The following TSPAN5 variants were observed in gnomAD, a reference collection of about 807,000 sequenced individuals.
TSPAN5 encodes tetraspanin-5.
A neutral mutation model predicts 37.1 loss-of-function variants in TSPAN5; 10 were observed. The observed-to-expected ratio is 0.27, with a 90% CI of 0.17 to 0.46. TSPAN5 has a LOEUF of 0.46. TSPAN5 is among the 20% of genes least tolerant of loss of function. The pLI, the probability that TSPAN5 is intolerant of heterozygous loss-of-function variation, is 1.00. For missense variants in TSPAN5, 195 were observed against 326.6 expected (o/e 0.60, Z 3.11); for synonymous variants, 110 against 118.9 (o/e 0.93, Z 0.48).
At chr4:98,526,994 T>A (rs1343510849) in intron 1 of TSPAN5, among the ~76,000 whole-genome samples, 1 of 152,222 alleles carries the variant, frequency 6.6e-6, no homozygotes, top group Non-Finnish European at 1.5e-5. Context: ...CAAGGCAGCA[T>A]CTAAAACATA....
intron 1 of TSPAN5, among the ~76,000 whole-genome samples, chr4:98,603,675 C>T (rs1447502652): frequency 6.6e-6 from 1 of 152,160 alleles, no homozygotes; most frequent in African/African-American, 2.4e-5. Context: ...GTGGAACACA[C>T]ACACTCAAGT....
At chr4:98,598,439 A>T (rs890642158) in intron 1 of TSPAN5, among the ~76,000 whole-genome samples, 3 of 149,254 alleles carry the variant, frequency 2.0e-5, no homozygotes, top group African/African-American at 4.9e-5. Context: ...AGCTGTTCCT[A>T]TTCGGCCATC....
intron 1 of TSPAN5, among the ~76,000 whole-genome samples, chr4:98,555,699 T>C (rs927536285): frequency 7.9e-5 from 12 of 152,154 alleles, no homozygotes; most frequent in Admixed American, 2.0e-4. Context: ...AGGGTAAATA[T>C]AGAAATAAGT....
chr4:98,488,375 G>C (rs1753019256), intron 2 of TSPAN5, among the ~76,000 whole-genome samples: 1 of 152,044 alleles, frequency 6.6e-6, no homozygotes, highest in Admixed American at 6.6e-5. Context: ...CCTTTAGGGG[G>C]GTGTCAACTT....
chr4:98,544,326 C>T (rs1265945496), intron 1 of TSPAN5, among the ~76,000 whole-genome samples: 1 of 152,168 alleles, frequency 6.6e-6, no homozygotes, highest in East Asian at 1.9e-4. Context: ...TTCTCTTTAA[C>T]TCCCTGGCAG....
intron 2 of TSPAN5, among the ~76,000 whole-genome samples, chr4:98,506,255 C>T (rs1269475405): frequency 6.6e-6 from 1 of 152,136 alleles, no homozygotes; most frequent in Non-Finnish European, 1.5e-5. Flanking sequence ...TCACAATAGG[C>T]TTGAGGCAAA....
intron 1 of TSPAN5, among the ~76,000 whole-genome samples, chr4:98,629,734 C>T (rs1194704924): frequency 6.6e-6 from 1 of 152,066 alleles, no homozygotes; most frequent in East Asian, 1.9e-4. Flanking sequence ...TAAAGAAAAT[C>T]CCCAGGGCAG....
intron 1 of TSPAN5, among the ~76,000 whole-genome samples, chr4:98,609,987 A>G (rs923715081): frequency 4.6e-5 from 7 of 152,140 alleles, no homozygotes; most frequent in Non-Finnish European, 1.0e-4. Flanking sequence ...GGCTAATATA[A>G]TTCGCAGAGG....
intron 1 of TSPAN5, among the ~76,000 whole-genome samples, chr4:98,512,556 G>C (rs180715975): frequency 6.6e-6 from 1 of 152,328 alleles, no homozygotes; most frequent in Admixed American, 6.5e-5. Flanking sequence ...AGAAGAAAAT[G>C]GCCCCAGCAT....
chr4:98,509,435 T>C (rs1753553538), intron 1 of TSPAN5, among the ~76,000 whole-genome samples: 1 of 152,142 alleles, frequency 6.6e-6, no homozygotes, highest in Admixed American at 6.6e-5. Flanking sequence ...AATTAGCTGC[T>C]CCGAAAACAT....
intron 1 of TSPAN5, among the ~76,000 whole-genome samples, chr4:98,583,710 T>A (rs1200454308): frequency 6.6e-6 from 1 of 152,250 alleles, no homozygotes; most frequent in Admixed American, 6.5e-5. Flanking sequence ...ATGCTGCTGA[T>A]CTTCACAGCA....
intron 1 of TSPAN5, among the ~76,000 whole-genome samples, chr4:98,616,793 C>T (rs11933264): frequency 0.13 from 19,321 of 151,864 alleles, 1,701 homozygotes; most frequent in African/African-American, 0.24. Flanking sequence ...ATTAATGGGT[C>T]CTTCTCTCCA....
intron 1 of TSPAN5, among the ~76,000 whole-genome samples, chr4:98,527,416 C>A (rs935606386): frequency 1.5e-4 from 23 of 152,122 alleles, no homozygotes; most frequent in African/African-American, 5.6e-4. Flanking sequence ...AAAAATCACA[C>A]CCAAACCAAG....
chr4:98,626,075 A>G (rs1425244050), intron 1 of TSPAN5, among the ~76,000 whole-genome samples: 1 of 152,190 alleles, frequency 6.6e-6, no homozygotes, highest in Non-Finnish European at 1.5e-5. Context: ...AGGACCATCC[A>G]CATGAGAATC....
chr4:98,618,318 A>T (rs1227371170), intron 1 of TSPAN5, among the ~76,000 whole-genome samples: 1 of 152,204 alleles, frequency 6.6e-6, no homozygotes, highest in African/African-American at 2.4e-5. Context: ...TCACACTATT[A>T]ATGTACTAAT....
chr4:98,566,892 G>C (rs1266377584), intron 1 of TSPAN5, among the ~76,000 whole-genome samples: 1 of 152,194 alleles, frequency 6.6e-6, no homozygotes, highest in African/African-American at 2.4e-5. Flanking sequence ...CAACGAACAA[G>C]CCTCGGCCTC....
intron 1 of TSPAN5, among the ~76,000 whole-genome samples, chr4:98,538,436 G>A (rs1754286173): frequency 6.6e-6 from 1 of 152,168 alleles, no homozygotes; most frequent in South Asian, 2.1e-4. Context: ...CCACAGGATG[G>A]ACAGGGACAG....
intron 1 of TSPAN5, among the ~76,000 whole-genome samples, chr4:98,628,437 A>C (rs1756657837): frequency 6.6e-6 from 1 of 152,204 alleles, no homozygotes; most frequent in Non-Finnish European, 1.5e-5. Flanking sequence ...TTTCCTCTGT[A>C]ATGTGGGGTA....
intron 1 of TSPAN5, among the ~76,000 whole-genome samples, chr4:98,555,995 G>A (rs975850090): frequency 5.5e-5 from 7 of 126,358 alleles, no homozygotes; most frequent in Admixed American, 8.0e-5. Context: ...ACGTGCGTGC[G>A]CACACACACA....
Sources: allele counts gnomAD v4.1 joint callset (sites outside exome capture counted in the v4.1 genomes callset), GRCh38; gene constraint gnomAD v4.1.1; transcripts MANE v1.5; gene names NCBI Gene and HGNC (gene_info 2026-07-23, HGNC 2026-07-21).